PLEC: variants seen among roughly 807,000 people sequenced by gnomAD.
PLEC encodes the protein plectin, also known as hemidesmosomal protein 1.
Under a neutral mutation model 392.8 loss-of-function variants are expected in PLEC, and 216 were observed. That is an observed-to-expected ratio of 0.55 (90% CI 0.49 to 0.62). The LOEUF is 0.62. Among genes scored for constraint, PLEC ranks in the 20% least tolerant of loss-of-function variants. PLEC has a pLI of 0.00. For synonymous variants in PLEC, 3,621 were observed against 2,980.6 expected, an observed-to-expected ratio of 1.21 and a Z score of -7.00; for missense variants, 6,863 against 6,563.4, an observed-to-expected ratio of 1.05 and a Z score of -1.58.
rs782722860 is a variant in PLEC at position 143,936,025 on chromosome 8, CAG to C, written c.436-13_436-12del. 5.0e-6 allele frequency: 8 copies of C among 1,610,656 alleles called. No homozygotes were observed. The East Asian group carries it at 1.3e-4, about 27-fold the overall frequency. ...CTGGATATCTGAGATCTGCTCACAG[CAG>C]AGAGGAGGCCACAGCTCAGCCACAG... On this transcript the variant is annotated splice_polypyrimidine_tract_variant and intron_variant, in intron 5 of 31. Transcript: ENST00000345136.
rs782569624 is a variant in PLEC at position 143,925,349 on chromosome 8, G to C, written c.4580C>G (p.Ala1527Gly). ...LASRVKAEAE[A>G]AREKQRALQA... Reference sequence around the variant, plus strand: ...CAGGGCCCGCTGCTTCTCGCGCGCCGCCTCGGCCTCGGCCTTCACGCGCGA... The same window carrying C: ...CAGGGCCCGCTGCTTCTCGCGCGCCCCCTCGGCCTCGGCCTTCACGCGCGA... The change falls in exon 31 of 32, where the codon GCG (alanine) becomes GGG (glycine). Residue 1527 changes from alanine (A) to glycine (G), a missense_variant. Transcript: ENST00000345136. 1.9e-6 allele frequency: 3 copies of C among 1,548,732 alleles called. No individual in the cohort carries two copies. The South Asian group carries it at 3.5e-5, about 18-fold the overall frequency.
chr8:143,937,097 G>A (rs782506960), intron 4 of PLEC, 26 bp from the exon 5 acceptor site: 8 of 1,607,578 alleles, frequency 5.0e-6, no homozygotes, highest in African/African-American at 1.3e-5. Flanking sequence ...TCTCGGTCAC[G>A]GCCCACAGGG....
chr8:143,971,799 C>A (rs1483834618), intron 1 of PLEC, among the ~76,000 whole-genome samples: 1 of 152,158 alleles, frequency 6.6e-6, no homozygotes, highest in Non-Finnish European at 1.5e-5. Flanking sequence ...GGCCCCCCTG[C>A]CCCCTCACCA....
intron 3 of PLEC, among the ~76,000 whole-genome samples, 157 bp from the exon 4 acceptor site, chr8:143,937,399 G>C (rs940587232): frequency 6.6e-6 from 1 of 152,206 alleles, no homozygotes; most frequent in Non-Finnish European, 1.5e-5. Context: ...GGAAAGGGAG[G>C]CCACCGGCCC....
At position 143,935,304 on chromosome 8, in the gene PLEC, G is replaced by A. The variant is rs782472074; in HGVS notation, c.612C>T (p.Leu204=). 46 of 1,603,710 alleles carry A rather than the reference G, an allele frequency of 2.9e-5. No individual in the cohort carries two copies. In the African/African-American group the frequency reaches 2.9e-4, roughly 10 times the overall value. ...GCCGGTACACCTTGTTCATGTCGAT[G>A]AGCAGGGGCCTGGGACAAGCAGGTG... ...NAIIHRHKPL[L]IDMNKVYRQT... is the part of the protein sequence containing the mutation. Residue 204 remains leucine (L), a synonymous_variant, in exon 7 of 32, where the codon CTC becomes CTT. Transcript: ENST00000345136.
In PLEC at chr8:143,923,705, A is replaced by G. The variant is rs782546354; in HGVS notation, c.6224T>C (p.Val2075Ala). 5 of 1,545,196 alleles carry G rather than the reference A, an allele frequency of 3.2e-6. No homozygotes were observed. The highest frequency in any genetic ancestry group is 2.6e-6 in the Non-Finnish European group (3 of 1,151,648). Reference protein sequence around the residue: ...LQQTLQQEQSVLDQLRGEAEA... With the variant: ...LQQTLQQEQSALDQLRGEAEA... ...CGCCTCGCCGCGCAGCTGGTCCAGC[A>G]CGCTCTGCTCCTGCTGCAGCGTCTG... Residue 2075 changes from valine (V) to alanine (A), a missense_variant, in exon 31 of 32, where the codon GTG (valine) becomes GCG (alanine). Transcript: ENST00000345136.
Position 143,918,664 on chromosome 8 carries a change from C to T in PLEC, c.11157G>A (p.Val3719=), listed in dbSNP as rs781902568. 61 of 1,612,758 alleles carry T rather than the reference C, an allele frequency of 3.8e-5. No individual in the cohort carries two copies. The highest frequency in any genetic ancestry group is 4.8e-5 in the Non-Finnish European group (57 of 1,179,980). The part of the protein sequence containing the change: ...ALKKGLLSAE[V]ARLLLEAQAA... ...CCTGTGCCTCCAGCAGCAGGCGGGC[C>T]ACCTCGGCACTCAGCAGCCCTTTCT... The change falls in exon 32 of 32, where the codon GTG becomes GTA. Residue 3719 remains valine (V), a synonymous_variant. Transcript: ENST00000345136.
chr8:143,928,893 T>G (rs983288016), intron 25 of PLEC, among the ~76,000 whole-genome samples: 3 of 151,854 alleles, frequency 2.0e-5, no homozygotes, highest in African/African-American at 7.3e-5. Flanking sequence ...CACCAGGAAG[T>G]CCCCCGGCCG....
At position 143,925,812 on chromosome 8, in the gene PLEC, G is replaced by A. The variant is rs782378494; in HGVS notation, c.4117C>T (p.Arg1373Trp). The A allele has an allele frequency of 1.3e-5, 21 of 1,566,766 alleles. No individual in the cohort carries two copies. Among genetic ancestry groups the A allele is most frequent in the East Asian group, 7.0e-5 (3 of 43,030 alleles). Residue 1373 changes from arginine (R) to tryptophan (W), a missense_variant, in exon 31 of 32, where the codon CGG becomes TGG. By Grantham distance (101) the Arg-to-Trp change is moderately radical. Transcript: ENST00000345136. ...AEVEAALEKQ[R>W]QLAEAHAQAK... ...TGGGCGTGCGCCTCGGCCAGCTGCC[G>A]CTGCTTCTCCAGCGCGGCCTCCACC... is the stretch of plus-strand genomic sequence containing the variant.
chr8:143,927,388 G>A (rs782029159), intron 27 of PLEC, 22 bp downstream of exon 27: 44 of 1,607,838 alleles, frequency 2.7e-5, no homozygotes, highest in African/African-American at 2.5e-4. Context: ...CAGCCGCCCC[G>A]TCCCCACCGA....
At chr8:143,949,736 C>T (rs1022869416) in intron 1 of PLEC, among the ~76,000 whole-genome samples, 6 of 152,230 alleles carry the variant, frequency 3.9e-5, no homozygotes, top group African/African-American at 7.2e-5. Flanking sequence ...AAGCCTCACC[C>T]ATCAACCCCC....
In PLEC at chr8:143,933,311, G is replaced by C. The variant is rs782509734; in HGVS notation, c.1304C>G (p.Ala435Gly). 5 of 1,612,538 alleles carry C rather than the reference G, an allele frequency of 3.1e-6. No individual in the cohort carries two copies. The East Asian group carries it at 1.1e-4, about 36-fold the overall frequency. The change falls in exon 13 of 32, where the codon GCG (alanine) becomes GGG (glycine). Residue 435 changes from alanine (A) to glycine (G), a missense_variant. By Grantham distance (60) the Ala-to-Gly change is moderately conservative. Transcript: ENST00000345136. ...GTCCAAGTCCCGTTCCACCTCCCCC[G>C]CCCGCTGTGGCACTTTGCCTGCAGC... ...LLAAGKVPQRAGEVERDLDKA... is the reference protein window; with the variant it reads ...LLAAGKVPQRGGEVERDLDKA...
chr8:143,948,164 A>T (rs1554733244), intron 1 of PLEC, among the ~76,000 whole-genome samples: 1 of 152,238 alleles, frequency 6.6e-6, no homozygotes, highest in East Asian at 1.9e-4. Flanking sequence ...CCACCAGGGC[A>T]CAGGGAGGGC....
intron 1 of PLEC, among the ~76,000 whole-genome samples, chr8:143,948,984 A>G (rs1831816874): frequency 6.6e-6 from 1 of 152,136 alleles, no homozygotes. Context: ...TTTAGAGAGG[A>G]GCTGGAGAGG....
At chr8:143,959,806 C>T (rs570353438) in intron 1 of PLEC, among the ~76,000 whole-genome samples, 1 of 150,634 alleles carries the variant, frequency 6.6e-6, no homozygotes, top group South Asian at 2.1e-4. Context: ...ACCATCCTGG[C>T]TAACACAGTG....
At chr8:143,928,950 C>T (rs1404752944) in intron 25 of PLEC, among the ~76,000 whole-genome samples, 153 bp downstream of exon 25, 2 of 152,194 alleles carry the variant, frequency 1.3e-5, no homozygotes, top group Non-Finnish European at 2.9e-5. Context: ...ACCACCTCTG[C>T]GGCCACCACC....
At chr8:143,953,756 C>T (rs782300431), upstream of PLEC, 1 of 1,612,282 alleles carries the variant, frequency 6.2e-7, no homozygotes, top group South Asian at 1.1e-5. Context: ...TTCTGGATGG[C>T]TCGCGAGGGG....
intron 30 of PLEC, among the ~76,000 whole-genome samples, chr8:143,926,525 A>G (rs1305469573): frequency 3.9e-5 from 6 of 152,156 alleles, no homozygotes; most frequent in African/African-American, 1.2e-4. Flanking sequence ...GCTAGGCTGC[A>G]GGGGGGACGC....
upstream of PLEC, chr8:143,950,878 C>G: frequency 1.5e-6 from 2 of 1,354,874 alleles, no homozygotes; most frequent in Non-Finnish European, 2.0e-6. Context: ...CGCGGGCTCC[C>G]GGCTGTGTGG....
Sources: allele counts gnomAD v4.1 joint callset (sites outside exome capture counted in the v4.1 genomes callset), GRCh38; gene constraint gnomAD v4.1.1; transcripts MANE v1.5; gene names NCBI Gene and HGNC (gene_info 2026-07-23, HGNC 2026-07-21).